Variants in R3HDM2 observed in about 807,000 individuals in gnomAD.
R3HDM2 encodes the protein R3H domain-containing protein 2.
R3HDM2 carries 38 observed loss-of-function variants against 124.5 expected under a neutral mutation model. That is an observed-to-expected ratio of 0.31 (90% confidence interval 0.24 to 0.40). R3HDM2 has a LOEUF of 0.40. R3HDM2 is among the 10% of genes least tolerant of loss of function. R3HDM2 has a pLI of 1.00. For missense variants in R3HDM2, 869 were observed against 1,236.9 expected, an observed-to-expected ratio of 0.70 and a Z score of 4.46; for synonymous variants, 391 against 448.0, an observed-to-expected ratio of 0.87 and a Z score of 1.61.
chr12:57,281,522 G>C (rs902795926), intron 13 of R3HDM2, among the ~76,000 whole-genome samples: 1 of 151,314 alleles, frequency 6.6e-6, no homozygotes, highest in African/African-American at 2.4e-5. Flanking sequence ...GTCTCACTCT[G>C]TCGCCCAGGC....
intron 13 of R3HDM2, among the ~76,000 whole-genome samples, chr12:57,282,387 T>C (rs929736775): frequency 3.3e-5 from 5 of 152,186 alleles, no homozygotes; most frequent in Non-Finnish European, 7.4e-5. Context: ...GTCAGGAAGT[T>C]ATGCTATATT....
chr12:57,323,947 A>C (rs1487783661), intron 2 of R3HDM2, among the ~76,000 whole-genome samples: 2 of 152,114 alleles, frequency 1.3e-5, no homozygotes, highest in African/African-American at 2.4e-5. Context: ...GCAGAATCTG[A>C]GGGATGAAAG....
At chr12:57,355,719 T>A (rs1450829987) in intron 2 of R3HDM2, among the ~76,000 whole-genome samples, 1 of 152,182 alleles carries the variant, frequency 6.6e-6, no homozygotes, top group Non-Finnish European at 1.5e-5. Context: ...GGAATTGTAT[T>A]GAATCTATGG....
chr12:57,291,983 T>C (rs1453168965), intron 11 of R3HDM2, among the ~76,000 whole-genome samples: 2 of 152,196 alleles, frequency 1.3e-5, no homozygotes, highest in Non-Finnish European at 1.5e-5. Context: ...AGTCCTGTTG[T>C]AGGAAGCAAG....
chr12:57,267,432 G>A, intron 18 of R3HDM2, among the ~76,000 whole-genome samples: 1 of 152,176 alleles, frequency 6.6e-6, no homozygotes, highest in Non-Finnish European at 1.5e-5. Flanking sequence ...GCGCACACCT[G>A]TAGTCCCAGC....
At chr12:57,308,649 G>A (rs923541240) in intron 3 of R3HDM2, among the ~76,000 whole-genome samples, 82 of 151,994 alleles carry the variant, frequency 5.4e-4, no homozygotes, top group Admixed American at 1.8e-3. Flanking sequence ...TTGTGCCATC[G>A]CACTCCAGCT....
At chr12:57,298,259 G>A in intron 6 of R3HDM2, 91 bp from the exon 7 acceptor site, 2 of 1,013,196 alleles carry the variant, frequency 2.0e-6, no homozygotes, top group Admixed American at 5.4e-5. Flanking sequence ...CTAACCAGGA[G>A]AAAAAAGAAT....
intron 2 of R3HDM2, among the ~76,000 whole-genome samples, chr12:57,358,379 G>C (rs894810256): frequency 6.6e-6 from 1 of 152,132 alleles, no homozygotes; most frequent in African/African-American, 2.4e-5. Flanking sequence ...GTGTACGCCT[G>C]TAATCCTAGT....
At chr12:57,417,384 C>CAAA (rs542470589) in intron 1 of R3HDM2, among the ~76,000 whole-genome samples, 4 of 110,244 alleles carry the variant, frequency 3.6e-5, no homozygotes, top group East Asian at 2.4e-4. Context: ...AATTCCATTT[C>CAAA]AAAAAAAAAA....
intron 2 of R3HDM2, among the ~76,000 whole-genome samples, chr12:57,361,981 A>T (rs534171867): frequency 1.8e-3 from 276 of 152,248 alleles, no homozygotes; most frequent in Middle Eastern, 6.8e-3. Flanking sequence ...AAAAATACAA[A>T]AATTAGCCAT....
intron 2 of R3HDM2, among the ~76,000 whole-genome samples, chr12:57,360,860 G>A (rs982911793): frequency 6.6e-6 from 1 of 151,816 alleles, no homozygotes; most frequent in Non-Finnish European, 1.5e-5. Context: ...AGATCATCCT[G>A]GCTAACACGG....
intron 2 of R3HDM2, among the ~76,000 whole-genome samples, chr12:57,337,130 T>TTC (rs1016190947): frequency 1.3e-5 from 2 of 151,634 alleles, no homozygotes; most frequent in Non-Finnish European, 2.9e-5. Flanking sequence ...AGAATTCTCT[T>TTC]TCTCTCTTTT....
chr12:57,334,613 G>A (rs2058624421), intron 2 of R3HDM2, among the ~76,000 whole-genome samples: 1 of 152,048 alleles, frequency 6.6e-6, no homozygotes. Context: ...GAATAGCAAA[G>A]ACAATCAATC....
At chr12:57,407,647 C>T (rs1031858253) in intron 1 of R3HDM2, among the ~76,000 whole-genome samples, 45 of 152,064 alleles carry the variant, frequency 3.0e-4, no homozygotes, top group African/African-American at 1.0e-3. Flanking sequence ...CCTCGTGATC[C>T]ACCCGCCTCG....
At chr12:57,372,724 C>A (rs2063527288) in intron 2 of R3HDM2, among the ~76,000 whole-genome samples, 1 of 152,194 alleles carries the variant, frequency 6.6e-6, no homozygotes, top group African/African-American at 2.4e-5. Flanking sequence ...GGTCTAACAT[C>A]AATTTAGACT....
chr12:57,378,994 T>C (rs960315811), intron 2 of R3HDM2, among the ~76,000 whole-genome samples: 5 of 152,154 alleles, frequency 3.3e-5, no homozygotes, highest in African/African-American at 4.8e-5. Context: ...TCCACTTATA[T>C]GAGGTAGTTA....
chr12:57,345,151 TG>T (rs201982504), intron 2 of R3HDM2, among the ~76,000 whole-genome samples: 1 of 151,312 alleles, frequency 6.6e-6, no homozygotes, highest in African/African-American at 2.4e-5. Context: ...ATTTCCTTAT[TG>T]GGGGAAAAAA....
intron 23 of R3HDM2, 29 bp from the exon 24 acceptor site, chr12:57,255,142 G>A (rs201854843): frequency 5.2e-6 from 8 of 1,538,816 alleles, no homozygotes; most frequent in African/African-American, 2.7e-5. Flanking sequence ...GGACATGGTT[G>A]TGAGAGGAAT....
chr12:57,400,791 G>A (rs570461852), intron 1 of R3HDM2, among the ~76,000 whole-genome samples: 26 of 152,150 alleles, frequency 1.7e-4, no homozygotes, highest in African/African-American at 6.3e-4. Flanking sequence ...CCCATAAAAG[G>A]ACCAGAGTGT....
Sources: gnomAD v4.1 joint callset for allele counts (sites outside exome capture counted in the v4.1 genomes callset) on GRCh38, gnomAD v4.1.1 for gene constraint, MANE v1.5 for transcripts, NCBI Gene and HGNC (gene_info 2026-07-23, HGNC 2026-07-21) for gene names.